WLS: variants seen among roughly 807,000 people sequenced by gnomAD.
WLS encodes Wnt ligand secretion mediator.
WLS carries 23 observed loss-of-function variants against 62.8 expected under a neutral mutation model. The ratio of observed to expected loss-of-function variants is 0.37; its 90% CI spans 0.26 to 0.52. The LOEUF is 0.52. Ranked by LOEUF, WLS falls within the 20% of genes least tolerant of loss-of-function variation. The pLI is 0.92. For synonymous variants in WLS, 246 were observed against 244.1 expected, an observed-to-expected ratio of 1.01 and a Z score of -0.07; for missense variants, 615 against 697.3, an observed-to-expected ratio of 0.88 and a Z score of 1.33.
At chr1:68,137,635 G>T (rs1448254321) in intron 11 of WLS, 145 bp downstream of exon 11, 3 of 842,504 alleles carry the variant, frequency 3.6e-6, no homozygotes, top group Middle Eastern at 7.4e-4. Flanking sequence ...AGTCCCCTGG[G>T]TGCTCATTCA....
intron 5 of WLS, among the ~76,000 whole-genome samples, chr1:68,151,035 C>T (rs952759403): frequency 2.6e-5 from 4 of 152,074 alleles, no homozygotes; most frequent in African/African-American, 2.4e-5. Context: ...TTTTCACTCA[C>T]GGGAGATACA....
At chr1:68,216,428 G>C (rs17130585) in intron 1 of WLS, among the ~76,000 whole-genome samples, 1 of 152,172 alleles carries the variant, frequency 6.6e-6, no homozygotes, top group African/African-American at 2.4e-5. Context: ...CAAATGTGAG[G>C]TATCAGGTGT....
intron 11 of WLS, among the ~76,000 whole-genome samples, chr1:68,110,007 T>TAAAAAAAAAA (rs11290966): frequency 2.5e-4 from 7 of 28,444 alleles, no homozygotes; most frequent in Admixed American, 8.2e-4. Context: ...ACACAAAAAG[T>TAAAAAAAAAA]AAAAAAAAAA....
At chr1:68,148,691 G>A (rs1288589752) in intron 6 of WLS, 31 bp from the exon 7 acceptor site, 2 of 1,604,858 alleles carry the variant, frequency 1.2e-6, no homozygotes, top group Non-Finnish European at 1.7e-6. Context: ...AAGGGAGATA[G>A]AGGGGAGAGG....
intron 2 of WLS, among the ~76,000 whole-genome samples, chr1:68,179,528 A>C (rs1647428300): frequency 6.6e-6 from 1 of 152,142 alleles, no homozygotes; most frequent in African/African-American, 2.4e-5. Flanking sequence ...AGATGAAATA[A>C]ACGTTGTCTT....
At chr1:68,122,864 T>C (rs1299091556), downstream of WLS, among the ~76,000 whole-genome samples, 1 of 152,224 alleles carries the variant, frequency 6.6e-6, no homozygotes, top group Non-Finnish European at 1.5e-5. Flanking sequence ...CCAGGGGACA[T>C]ACTGCAACCC....
chr1:68,217,632 C>T (rs1649781470), intron 1 of WLS, among the ~76,000 whole-genome samples: 1 of 152,192 alleles, frequency 6.6e-6, no homozygotes, highest in Non-Finnish European at 1.5e-5. Flanking sequence ...ACACAAAACC[C>T]ATGCCTTAAA....
intron 3 of WLS, 33 bp from the exon 4 acceptor site, chr1:68,155,293 C>A: frequency 1.3e-6 from 2 of 1,589,448 alleles, no homozygotes; most frequent in South Asian, 2.3e-5. Context: ...GAGGCAGGGT[C>A]ACTATTTCCA....
intron 11 of WLS, among the ~76,000 whole-genome samples, chr1:68,100,461 A>T (rs568641307): frequency 6.6e-6 from 1 of 152,324 alleles, no homozygotes; most frequent in African/African-American, 2.4e-5. Flanking sequence ...ATGACCCCTA[A>T]ACTCAAACCC....
chr1:68,125,631 C>G lies in WLS; in HGVS notation c.*595G>C. ...GATTTGGTTTCAAAGCTGAAATACC[C>G]CTGGTGGAATAAATCTTCTCATGAA... On this transcript the variant is annotated 3_prime_UTR_variant, in exon 12 of 12. Coordinates refer to ENST00000262348, the MANE Select transcript of WLS (RefSeq NM_024911.7). 2 of 985,424 alleles carry G rather than the reference C, an allele frequency of 2.0e-6. No homozygotes were observed. The highest frequency in any genetic ancestry group is 5.2e-4 in the Middle Eastern group (1 of 1,916). The allele number at this position is 985,424 out of a possible 1,614,324, so 61.0% of individuals were successfully genotyped here. A position where few individuals can be genotyped will look rare whatever the true frequency, so the allele number is the denominator to read the frequency against.
At chr1:68,135,059 C>A (rs1425195742) in intron 11 of WLS, among the ~76,000 whole-genome samples, 1 of 152,238 alleles carries the variant, frequency 6.6e-6, no homozygotes, top group Non-Finnish European at 1.5e-5. Context: ...ACTCTCTGGG[C>A]TGCCACTTAG....
intron 11 of WLS, 69 bp downstream of exon 11, chr1:68,137,711 A>G: frequency 1.3e-6 from 2 of 1,531,636 alleles, no homozygotes; most frequent in South Asian, 1.3e-5. Flanking sequence ...AGCTTTAGCC[A>G]TTTAAATCTT....
Position 68,158,310 on chromosome 1 carries a change from G to T in WLS, c.504+813C>A, listed in dbSNP as rs1646925247. On this transcript the variant is annotated intron_variant, in intron 3 of 11. Coordinates refer to ENST00000262348, the MANE Select transcript of WLS (RefSeq NM_024911.7). Reference sequence around the variant, plus strand: ...TTTGTTCTAGGAAACCTGCGGGAGGGAGACTCCCCTAGTGTTTCAAAAAAC... The same window carrying T: ...TTTGTTCTAGGAAACCTGCGGGAGGTAGACTCCCCTAGTGTTTCAAAAAAC... 2.0e-5 allele frequency among the ~76,000 whole-genome samples: 3 copies of T among 152,160 alleles called. No homozygotes were observed. The South Asian group carries it at 6.2e-4, about 32-fold the overall frequency.
intron 11 of WLS, among the ~76,000 whole-genome samples, chr1:68,108,727 C>T (rs1379052729): frequency 6.6e-6 from 1 of 151,944 alleles, no homozygotes; most frequent in African/African-American, 2.4e-5. Context: ...CTAATGGTGA[C>T]CATAATGTAC....
At chr1:68,115,158 G>T (rs999353248) in intron 11 of WLS, among the ~76,000 whole-genome samples, 8 of 152,194 alleles carry the variant, frequency 5.3e-5, no homozygotes, top group Non-Finnish European at 1.0e-4. Flanking sequence ...TGCTTTTCAG[G>T]AGGTCCCTCT....
At chr1:68,167,454 G>A (rs1647076580) in intron 2 of WLS, among the ~76,000 whole-genome samples, 1 of 152,136 alleles carries the variant, frequency 6.6e-6, no homozygotes, top group Non-Finnish European at 1.5e-5. Flanking sequence ...CATGACTCCT[G>A]GGATACTGTG....
intron 11 of WLS, among the ~76,000 whole-genome samples, chr1:68,107,299 T>C (rs1243209371): frequency 3.9e-5 from 1 of 25,650 alleles, no homozygotes; most frequent in Non-Finnish European, 9.8e-5. Flanking sequence ...ATAGCTAGAT[T>C]TTTTTTTTTT....
At chr1:68,133,207 T>C (rs192536223) in intron 11 of WLS, among the ~76,000 whole-genome samples, 5 of 152,328 alleles carry the variant, frequency 3.3e-5, no homozygotes, top group Non-Finnish European at 4.4e-5. Flanking sequence ...TGATTACACA[T>C]ATAATTCTAT....
Position 68,126,148 on chromosome 1 carries a change from C to A in WLS, c.*78G>T. 6.4e-7 allele frequency: 1 copy of A among 1,569,392 alleles called. No homozygotes were observed. The highest frequency in any genetic ancestry group is 8.6e-7 in the Non-Finnish European group (1 of 1,157,974). Reference sequence around the variant, plus strand: ...ATGAGGCATTCATTTGTACATTGAGCTCTCTCTGGCATGCTCCCCACTCTA... The same window carrying A: ...ATGAGGCATTCATTTGTACATTGAGATCTCTCTGGCATGCTCCCCACTCTA... On this transcript the variant is annotated 3_prime_UTR_variant, in exon 12 of 12. Coordinates refer to ENST00000262348, the MANE Select transcript of WLS (RefSeq NM_024911.7).
Sources: gnomAD v4.1 joint callset for allele counts (sites outside exome capture counted in the v4.1 genomes callset) on GRCh38, gnomAD v4.1.1 for gene constraint, MANE v1.5 for transcripts, NCBI Gene and HGNC (gene_info 2026-07-23, HGNC 2026-07-21) for gene names.